The following DTNA variants were observed in gnomAD, a reference collection of about 807,000 sequenced individuals.
DTNA encodes the protein dystrobrevin alpha, also known as dystrophin-related protein 3.
Under a neutral mutation model 100.7 loss-of-function variants are expected in DTNA, and 43 were observed. The observed-to-expected ratio is 0.43, with a 90% CI of 0.33 to 0.55. The LOEUF (loss-of-function observed/expected upper bound fraction) is 0.55, where lower values mean the gene tolerates loss of function less well. Ranked by LOEUF, DTNA falls within the 20% of genes least tolerant of loss-of-function variation. DTNA has a pLI of 0.04. For missense variants in DTNA, 798 were observed against 953.9 expected (o/e 0.84, Z 2.15); for synonymous variants, 349 against 347.9 (o/e 1.00, Z -0.04).
chr18:34,743,553 G>A (rs929936612), intron 1 of DTNA, among the ~76,000 whole-genome samples: 1 of 152,050 alleles, frequency 6.6e-6, no homozygotes, highest in African/African-American at 2.4e-5. Context: ...TATTCCACAT[G>A]TTACTGATAG....
chr18:34,671,377 C>T (rs1055169493), intron 1 of DTNA, among the ~76,000 whole-genome samples: 3 of 152,132 alleles, frequency 2.0e-5, no homozygotes, highest in Non-Finnish European at 2.9e-5. Flanking sequence ...CTTGTGCTTC[C>T]CAGGTGAGGC....
At chr18:34,709,440 A>G (rs1054933879), upstream of DTNA, 3 of 152,198 alleles carry the variant, frequency 2.0e-5, no homozygotes, top group African/African-American at 7.2e-5. Flanking sequence ...GACCATGCTG[A>G]CATGCTGGCA....
intron 16 of DTNA, among the ~76,000 whole-genome samples, chr18:34,863,225 CT>C (rs1218763704): frequency 1.3e-5 from 2 of 152,172 alleles, no homozygotes; most frequent in African/African-American, 2.4e-5. Context: ...CTTTAAAGAT[CT>C]TTTTGGTACC....
chr18:34,674,912 A>G (rs1356688871), intron 1 of DTNA, among the ~76,000 whole-genome samples: 1 of 152,200 alleles, frequency 6.6e-6, no homozygotes, highest in East Asian at 1.9e-4. Context: ...GGCAGCACTA[A>G]GGACTGGAAT....
chr18:34,865,584 A>C (rs2096689826), intron 17 of DTNA, among the ~76,000 whole-genome samples: 1 of 152,232 alleles, frequency 6.6e-6, no homozygotes, highest in Non-Finnish European at 1.5e-5. Context: ...GGGTAAGACA[A>C]GACTAGATAG....
chr18:34,766,247 G>C (rs916769724), intron 3 of DTNA, among the ~76,000 whole-genome samples: 1 of 152,076 alleles, frequency 6.6e-6, no homozygotes, highest in African/African-American at 2.4e-5. Context: ...AAATACTAAA[G>C]CATATGAACC....
Position 34,882,813 on chromosome 18 carries a change from T to C in DTNA, c.2295+612T>C, listed in dbSNP as rs8097410. ...AAGATGCTTTTTCTCATAATTATTT[T>C]TAAATGGATACAAAGAACAGGGCAC... On this transcript the variant is annotated intron_variant, in intron 21 of 22. Transcript: ENST00000444659. Among the ~76,000 whole-genome samples, 1,044 of 152,346 alleles carry C rather than the reference T, an allele frequency of 6.9e-3. 8 individuals carry two copies. The highest frequency in any genetic ancestry group is 0.024 in the African/African-American group (978 of 41,576).
At chr18:34,575,610 A>T (rs2048037446) in intron 1 of DTNA, among the ~76,000 whole-genome samples, 1 of 152,022 alleles carries the variant, frequency 6.6e-6, no homozygotes, top group Non-Finnish European at 1.5e-5. Context: ...GTAATTTTCC[A>T]TTTCCCTAAA....
At chr18:34,822,875 C>T (rs1250900957) in intron 9 of DTNA, among the ~76,000 whole-genome samples, 1 of 152,026 alleles carries the variant, frequency 6.6e-6, no homozygotes, top group Non-Finnish European at 1.5e-5. Flanking sequence ...TGTATTTTAC[C>T]AGATCCTCAA....
At chr18:34,537,704 A>G (rs1371012549) in intron 1 of DTNA, among the ~76,000 whole-genome samples, 2 of 151,994 alleles carry the variant, frequency 1.3e-5, no homozygotes, top group Non-Finnish European at 1.5e-5. Flanking sequence ...ATTAACAATA[A>G]CCTGGAACTA....
intron 1 of DTNA, among the ~76,000 whole-genome samples, chr18:34,514,769 C>T (rs896863754): frequency 2.3e-4 from 35 of 152,010 alleles, no homozygotes; most frequent in Non-Finnish European, 2.8e-4. Flanking sequence ...CAAGGAGTCT[C>T]TCTTGGGACT....
At chr18:34,545,076 G>A (rs28478205) in intron 1 of DTNA, among the ~76,000 whole-genome samples, 200 of 152,162 alleles carry the variant, frequency 1.3e-3, no homozygotes, top group African/African-American at 4.6e-3. Flanking sequence ...TCCTATCACC[G>A]GAGAGAGACT....
chr18:34,700,602 A>G (rs903585060), intron 1 of DTNA, among the ~76,000 whole-genome samples: 2 of 152,132 alleles, frequency 1.3e-5, no homozygotes, highest in African/African-American at 4.8e-5. Context: ...CACCTGATTT[A>G]CTATTACTTG....
chr18:34,741,508 T>C (rs1274422484), intron 1 of DTNA, among the ~76,000 whole-genome samples: 1 of 152,198 alleles, frequency 6.6e-6, no homozygotes, highest in Non-Finnish European at 1.5e-5. Context: ...GCCTAGCTAA[T>C]TCTCTTCAGG....
chr18:34,607,043 G>A (rs1285124553), intron 1 of DTNA, among the ~76,000 whole-genome samples: 1 of 152,094 alleles, frequency 6.6e-6, no homozygotes, highest in Non-Finnish European at 1.5e-5. Context: ...GCTCAAAATG[G>A]CCTCCCATCT....
At chr18:34,590,123 G>T (rs923457952) in intron 1 of DTNA, among the ~76,000 whole-genome samples, 1 of 152,170 alleles carries the variant, frequency 6.6e-6, no homozygotes, top group Non-Finnish European at 1.5e-5. Flanking sequence ...ACCCATAAAA[G>T]AGATTGCTGG....
chr18:34,580,855 A>G (rs1423251037), intron 1 of DTNA, among the ~76,000 whole-genome samples: 2 of 151,958 alleles, frequency 1.3e-5, no homozygotes, highest in African/African-American at 4.8e-5. Flanking sequence ...TTCAGTGATG[A>G]TCTGTGGAAA....
At chr18:34,825,178 T>A in intron 9 of DTNA, 1 of 1,564,368 alleles carries the variant, frequency 6.4e-7, no homozygotes, top group Non-Finnish European at 8.8e-7. Flanking sequence ...CATTTTGGTA[T>A]TTTGACATTT....
At chr18:34,517,514 A>G (rs1000321452) in intron 1 of DTNA, among the ~76,000 whole-genome samples, 6 of 149,262 alleles carry the variant, frequency 4.0e-5, no homozygotes, top group Non-Finnish European at 7.4e-5. Flanking sequence ...ATGTTATCTC[A>G]TATGTAGCTT....
Sources: allele counts gnomAD v4.1 joint callset (sites outside exome capture counted in the v4.1 genomes callset), GRCh38; gene constraint gnomAD v4.1.1; transcripts MANE v1.5; gene names NCBI Gene and HGNC (gene_info 2026-07-23, HGNC 2026-07-21).